Variants in SEMA6B observed in about 807,000 individuals in gnomAD.
SEMA6B encodes semaphorin 6B.
A neutral mutation model predicts 78.6 loss-of-function variants in SEMA6B; 47 were observed. The ratio of observed to expected loss-of-function variants is 0.60; its 90% CI spans 0.47 to 0.76. SEMA6B has a LOEUF of 0.76. Among genes scored for constraint, SEMA6B ranks in the 30% least tolerant of loss-of-function variants. SEMA6B has a pLI of 0.00. For missense variants in SEMA6B, 1,213 were observed against 1,269.9 expected (o/e 0.96, Z 0.68); for synonymous variants, 632 against 592.2 (o/e 1.07, Z -0.98).
intron 3 of SEMA6B, 71 bp downstream of exon 3, chr19:4,557,955 T>G: frequency 8.0e-7 from 1 of 1,249,902 alleles, no homozygotes; most frequent in Non-Finnish European, 1.0e-6. Flanking sequence ...CTCCCTGCCC[T>G]CGCCTCCTCT....
At chr19:4,548,664 C>T (rs1226728125) in intron 12 of SEMA6B, among the ~76,000 whole-genome samples, 2 of 152,232 alleles carry the variant, frequency 1.3e-5, no homozygotes, top group Non-Finnish European at 2.9e-5. Context: ...ACCAGGCTCT[C>T]CTCAGCCCTG....
At position 4,543,192 on chromosome 19, in the gene SEMA6B, G is replaced by GGGAGGGCTTA; in HGVS notation, c.*399_*408dup. On this transcript the variant is annotated 3_prime_UTR_variant, in exon 17 of 17. Transcript: ENST00000586582. ...TGGGGAGGGACCTTTCCAGGGGTGG[G>GGGAGGGCTTA]GGAGGGCTTAGGTCTGCAGCTGTGG... is the stretch of plus-strand genomic sequence containing the variant. 1 of 589,440 alleles carries GGGAGGGCTTA rather than the reference G, an allele frequency of 1.7e-6. No individual in the cohort carries two copies. The highest frequency in any genetic ancestry group is 3.0e-6 in the Non-Finnish European group (1 of 329,890). 36.5% of individuals were successfully genotyped at this position (589,440 alleles called of 1,614,324 possible). A position where few individuals can be genotyped will look rare whatever the true frequency, so the allele number is the denominator to read the frequency against.
At chr19:4,556,873 C>A in intron 5 of SEMA6B, 78 bp downstream of exon 5, 2 of 1,368,862 alleles carry the variant, frequency 1.5e-6, no homozygotes, top group Non-Finnish European at 2.0e-6. Flanking sequence ...GTGGGCGTGG[C>A]CTGGTCTGAT....
chr19:4,555,881 C>T lies in SEMA6B; in HGVS notation c.471+107G>A, dbSNP rs568807304. 423 of 903,896 alleles carry T rather than the reference C, an allele frequency of 4.7e-4. No individual in the cohort carries two copies. The highest frequency in any genetic ancestry group is 5.5e-4 in the Admixed American group (31 of 56,746). The allele number at this position is 903,896 out of a possible 1,614,324, so 56.0% of individuals were successfully genotyped here. A position where few individuals can be genotyped will look rare whatever the true frequency, so the allele number is the denominator to read the frequency against. ...GGCAGGGAGAGTATATCCAGGAAGG[C>T]TTCCTGGAGGAGGTGACACGGCCTG... is the stretch of plus-strand genomic sequence containing the variant. On this transcript the variant is annotated intron_variant, in intron 6 of 16. Coordinates refer to ENST00000586582, the MANE Select transcript of SEMA6B (RefSeq NM_032108.4). The surrounding 1 kb of genome is among the most constrained non-coding windows in gnomAD (Gnocchi z 6.1).
At chr19:4,554,674 G>A (rs371283162) in intron 8 of SEMA6B, among the ~76,000 whole-genome samples, 198 bp from the exon 9 acceptor site, 5 of 152,336 alleles carry the variant, frequency 3.3e-5, no homozygotes, top group South Asian at 2.1e-4. Flanking sequence ...GCTGCAAATG[G>A]CAACATCAAC....
rs768507422 is a variant in SEMA6B at position 4,555,035 on chromosome 19, C to T, written c.623G>A (p.Arg208His). Reference sequence around the variant, plus strand: ...CAGGGTGGGCCTGTCCCCGAGGCTGCGGTAGATGACAGCATCAATGGCTAG... The same window carrying T: ...CAGGGTGGGCCTGTCCCCGAGGCTGTGGTAGATGACAGCATCAATGGCTAG... ...DFLAIDAVIYRSLGDRPTLRT... is the reference protein window; with the variant it reads ...DFLAIDAVIYHSLGDRPTLRT... Residue 208 changes from arginine (R) to histidine (H), a missense_variant, in exon 8 of 17, where the codon CGC (arginine) becomes CAC (histidine). Physicochemically the swap from Arg to His is conservative, Grantham distance 29. Coordinates refer to ENST00000586582, the MANE Select transcript of SEMA6B (RefSeq NM_032108.4). The surrounding 1 kb of genome is among the most constrained non-coding windows in gnomAD (Gnocchi z 6.1). The T allele has an allele frequency of 3.1e-6, 5 of 1,613,962 alleles. No individual in the cohort carries two copies. Among genetic ancestry groups the T allele is most frequent in the East Asian group, 2.2e-5 (1 of 44,882 alleles).
intron 10 of SEMA6B, among the ~76,000 whole-genome samples, chr19:4,551,364 T>A (rs1977327733): frequency 6.6e-6 from 1 of 151,472 alleles, no homozygotes; most frequent in African/African-American, 2.4e-5. Flanking sequence ...GAATTACAGG[T>A]GCCCACCACC....
Position 4,542,753 on chromosome 19 carries a change from G to C in SEMA6B, c.*848C>G, listed in dbSNP as rs1362040859. The C allele has an allele frequency of 2.9e-6, 2 of 699,810 alleles. No individual in the cohort carries two copies. The highest frequency in any genetic ancestry group is 1.7e-5 in the African/African-American group (1 of 57,160). The allele number at this position is 699,810 out of a possible 1,614,324, so 43.4% of individuals were successfully genotyped here. On this transcript the variant is annotated 3_prime_UTR_variant, in exon 17 of 17. Coordinates refer to ENST00000586582, the MANE Select transcript of SEMA6B (RefSeq NM_032108.4). ...GGCATGGGACTCTCTCACCACCCTG[G>C]GGCCGTATTTACAGAGGGGCCCCAC...
rs192438904 is a variant in SEMA6B, at chr19:4,552,854, A to G, written c.772-215T>C. ...GATGATAATAGCAACAGTGACAACC[A>G]TAATCATCACTGTTTCCACGAAGAC... On this transcript the variant is annotated intron_variant, in intron 9 of 16. Coordinates refer to ENST00000586582, the MANE Select transcript of SEMA6B (RefSeq NM_032108.4). The surrounding 1 kb of genome is among the most constrained non-coding windows in gnomAD (Gnocchi z 7.4). Among the ~76,000 whole-genome samples, 15 of 152,344 alleles carry G rather than the reference A, an allele frequency of 9.8e-5. No homozygotes were observed. In the East Asian group the frequency reaches 2.9e-3, roughly 29 times the overall value.
Position 4,555,092 on chromosome 19 carries a change from C to G in SEMA6B, c.566G>C (p.Gly189Ala). The change falls in exon 8 of 17, where the codon GGG becomes GCG. Residue 189 changes from glycine to alanine, a missense_variant. Coordinates refer to ENST00000586582, the MANE Select transcript of SEMA6B (RefSeq NM_032108.4). This position sits in a 1 kb window ranked among gnomAD's most constrained non-coding sequence, Gnocchi z 6.1. ...GGTAACAGTAGCTGTGAAGAGCATC[C>G]CGTCTGGATGGGGTGGGTGGGGAAG... ...KHANVALFSD[G>A]MLFTATVTDF... The G allele has an allele frequency of 6.2e-7, 1 of 1,613,606 alleles. No homozygotes were observed. The highest frequency in any genetic ancestry group is 1.3e-5 in the African/African-American group (1 of 75,012).
In SEMA6B at chr19:4,554,439, A is replaced by G. The variant is rs752578474; in HGVS notation, c.720T>C (p.His240=). Residue 240 remains histidine, a synonymous_variant, in exon 9 of 17, where the codon CAT becomes CAC. Coordinates refer to ENST00000586582, the MANE Select transcript of SEMA6B (RefSeq NM_032108.4). The stretch of plus-strand genomic sequence containing the variant: ...CAATCTCCCGGAAGAAGAAGTAGAC[A>G]TGGCTGCCCCACTCCACCGCATGGA... ...YFVHAVEWGS[H]VYFFFREIAM... 1 of 1,613,984 alleles carries G rather than the reference A, an allele frequency of 6.2e-7. No homozygotes were observed. Among genetic ancestry groups the G allele is most frequent in the Non-Finnish European group, 8.5e-7 (1 of 1,179,990 alleles).
intron 14 of SEMA6B, among the ~76,000 whole-genome samples, chr19:4,547,116 C>T (rs1239179814): frequency 1.3e-5 from 2 of 151,664 alleles, no homozygotes; most frequent in South Asian, 2.1e-4. Flanking sequence ...TGTGCCACCA[C>T]GCCCAGCTGA....
Position 4,557,151 on chromosome 19 carries a change from C to T in SEMA6B, c.306+12G>A. 6.2e-7 allele frequency: 1 copy of T among 1,610,036 alleles called. No individual in the cohort carries two copies. Among genetic ancestry groups the T allele is most frequent in the Non-Finnish European group, 8.5e-7 (1 of 1,177,000 alleles). ...CCCTACCCCTCCACTCCCACCTGCACCCCTTCCTCACCCTCTGGTACCGCA... is the reference window on the plus strand; with the variant it reads ...CCCTACCCCTCCACTCCCACCTGCATCCCTTCCTCACCCTCTGGTACCGCA... On this transcript the variant is annotated intron_variant, in intron 4 of 16. Transcript: ENST00000586582.
chr19:4,550,514 C>T lies in SEMA6B; in HGVS notation c.1122-242G>A, dbSNP rs1376201799. Among the ~76,000 whole-genome samples the T allele has an allele frequency of 6.6e-6, 1 of 152,124 alleles. No homozygotes were observed. Among genetic ancestry groups the T allele is most frequent in the Non-Finnish European group, 1.5e-5 (1 of 68,024 alleles). On this transcript the variant is annotated intron_variant, in intron 11 of 16. Coordinates refer to ENST00000586582, the MANE Select transcript of SEMA6B (RefSeq NM_032108.4). The surrounding 1 kb of genome is among the most constrained non-coding windows in gnomAD (Gnocchi z 6.6). ...GAGTGGCTGGGATTACAGGCACGTG[C>T]CATCACGCCCGGCTAATTTTTGTAT...
At chr19:4,554,507 CCT>C in intron 8 of SEMA6B, 31 bp from the exon 9 acceptor site, 1 of 1,561,268 alleles carries the variant, frequency 6.4e-7, no homozygotes, top group Non-Finnish European at 8.8e-7. Context: ...GAACTCAGCC[CCT>C]GACATGACAA....
At position 4,552,628 on chromosome 19, in the gene SEMA6B, G is replaced by A. The variant is rs758090126; in HGVS notation, c.783C>T (p.Ser261=). 3 of 1,605,720 alleles carry A rather than the reference G, an allele frequency of 1.9e-6. No homozygotes were observed. Among genetic ancestry groups the A allele is most frequent in the African/African-American group, 1.3e-5 (1 of 74,840 alleles). Residue 261 remains serine (S), a synonymous_variant, in exon 10 of 17, where the codon TCC becomes TCT. Transcript: ENST00000586582. This position sits in a 1 kb window ranked among gnomAD's most constrained non-coding sequence, Gnocchi z 7.4. ...EFNYLEKVVV[S]RVARVCKNDV... is the part of the protein sequence containing the mutation. The stretch of plus-strand genomic sequence containing the variant: ...CGTTCTTGCACACTCGGGCCACGCG[G>A]GACACCACCACCTGGGCGTGACAGT...
chr19:4,544,233 C>T lies in SEMA6B; in HGVS notation c.2035G>A (p.Ala679Thr), dbSNP rs1977102926. 7.8e-7 allele frequency: 1 copy of T among 1,276,982 alleles called. No homozygotes were observed. Among genetic ancestry groups the T allele is most frequent in the Non-Finnish European group, 9.9e-7 (1 of 1,014,928 alleles). The allele number at this position is 1,276,982 out of a possible 1,614,324, so 79.1% of individuals were successfully genotyped here. Residue 679 changes from alanine to threonine, a missense_variant, in exon 17 of 17, where the codon GCC (alanine) becomes ACC (threonine). By Grantham distance (58) the Ala-to-Thr change is moderately conservative. Coordinates refer to ENST00000586582, the MANE Select transcript of SEMA6B (RefSeq NM_032108.4). This position sits in a 1 kb window ranked among gnomAD's most constrained non-coding sequence, Gnocchi z 5.1. ...GGGGAGVPPE[A>T]LLAPLMQNGW... ...TTCTGCATCAGGGGCGCCAGCAGGG[C>T]CTCCGGGGGAACCCCGGCGCCACCG...
At chr19:4,554,190 C>G (rs1430087985) in intron 9 of SEMA6B, among the ~76,000 whole-genome samples, 198 bp downstream of exon 9, 1 of 152,108 alleles carries the variant, frequency 6.6e-6, no homozygotes, top group Non-Finnish European at 1.5e-5. Context: ...AGTCCCTCGT[C>G]AGGGCTGAGT....
chr19:4,548,528 T>G, intron 12 of SEMA6B, 83 bp from the exon 13 acceptor site: 1 of 1,300,658 alleles, frequency 7.7e-7, no homozygotes, highest in Non-Finnish European at 1.1e-6. Flanking sequence ...GTTACACGGG[T>G]GCATACAGAC....
Sources: gnomAD v4.1 joint callset for allele counts (sites outside exome capture counted in the v4.1 genomes callset) on GRCh38, gnomAD v4.1.1 for gene constraint, Gnocchi (gnomAD v3.1) non-coding constraint, MANE v1.5 for transcripts, NCBI Gene and HGNC (gene_info 2026-07-23, HGNC 2026-07-21) for gene names.